TRPM3: variants seen among roughly 807,000 people sequenced by gnomAD.
TRPM3 encodes transient receptor potential cation channel subfamily M member 3.
Under a neutral mutation model 181.2 loss-of-function variants are expected in TRPM3, and 77 were observed. The observed-to-expected ratio is 0.42, with a 90% CI of 0.35 to 0.51. TRPM3 has a LOEUF of 0.51. Ranked by LOEUF, TRPM3 falls within the 20% of genes least tolerant of loss-of-function variation. The pLI, the probability that TRPM3 is intolerant of heterozygous loss-of-function variation, is 0.01. For synonymous variants in TRPM3, 745 were observed against 796.4 expected (o/e 0.94, Z 1.09); for missense variants, 1,759 against 2,196.7 (o/e 0.80, Z 3.98).
At chr9:70,695,860 G>A (rs188666716) in intron 8 of TRPM3, among the ~76,000 whole-genome samples, 26 of 152,270 alleles carry the variant, frequency 1.7e-4, no homozygotes, top group Middle Eastern at 6.8e-3. Flanking sequence ...CCATGCAGGC[G>A]GAAAGGCTGA....
At chr9:71,156,615 C>A (rs1175961299) in intron 1 of TRPM3, among the ~76,000 whole-genome samples, 1 of 151,966 alleles carries the variant, frequency 6.6e-6, no homozygotes, top group Non-Finnish European at 1.5e-5. Flanking sequence ...CCAATACAAT[C>A]CCATATAATT....
chr9:71,150,835 T>C (rs2075696475), intron 1 of TRPM3, among the ~76,000 whole-genome samples: 1 of 152,170 alleles, frequency 6.6e-6, no homozygotes. Flanking sequence ...GAGTGAAGAA[T>C]GGTTTTATTA....
At chr9:70,650,271 G>C (rs1452958754) in intron 9 of TRPM3, among the ~76,000 whole-genome samples, 1 of 152,106 alleles carries the variant, frequency 6.6e-6, no homozygotes, top group Non-Finnish European at 1.5e-5. Context: ...CATGCAATTT[G>C]CCCATGTAAC....
rs569101971 is a variant in TRPM3 at position 71,121,360 on chromosome 9, G to T, written c.-6C>A. On this transcript the variant is annotated 5_prime_UTR_variant, in exon 1 of 26. Coordinates refer to ENST00000677713, the MANE Select transcript of TRPM3 (RefSeq NM_001366145.2). The stretch of plus-strand genomic sequence containing the variant: ...GTCCCCCACGGCTCTGGCATCCCAT[G>T]GTCATCTCCACACCTGCAAATTCCA... 8.1e-6 allele frequency: 13 copies of T among 1,613,130 alleles called. No individual in the cohort carries two copies. The African/African-American group carries it at 1.5e-4, about 18-fold the overall frequency.
intron 1 of TRPM3, among the ~76,000 whole-genome samples, chr9:71,148,041 G>C (rs1450988216): frequency 6.6e-6 from 1 of 151,486 alleles, no homozygotes; most frequent in Non-Finnish European, 1.5e-5. Flanking sequence ...ATCTAGTTTG[G>C]CACTTAATTA....
At position 70,605,065 on chromosome 9, in the gene TRPM3, G is replaced by A. The variant is rs149800576; in HGVS notation, c.2668-1595C>T. Among the ~76,000 whole-genome samples, 407 of 146,486 alleles carry A rather than the reference G, an allele frequency of 2.8e-3. 1 individual carries two copies. The highest frequency in any genetic ancestry group is 0.01 in the African/African-American group (397 of 39,544). ...CTCTTCCTGGGTTCAAGCGATTCTC[G>A]TGCCTCAGCCTCCGGAGTAGCTGGG... is the stretch of plus-strand genomic sequence containing the variant. On this transcript the variant is annotated intron_variant, in intron 19 of 25. Coordinates refer to ENST00000677713, the MANE Select transcript of TRPM3 (RefSeq NM_001366145.2).
chr9:70,556,169 G>A (rs940894173), intron 22 of TRPM3, among the ~76,000 whole-genome samples: 4 of 151,440 alleles, frequency 2.6e-5, no homozygotes, highest in Non-Finnish European at 5.9e-5. Context: ...CCAGGTCTCT[G>A]CTGAGTTCCT....
At position 70,531,911 on chromosome 9, in the gene TRPM3, C is replaced by T. The variant is rs1352635265; in HGVS notation, c.*4042G>A. 1 of 152,010 alleles carries T rather than the reference C, an allele frequency of 6.6e-6. No homozygotes were observed. The highest frequency in any genetic ancestry group is 1.5e-5 in the Non-Finnish European group (1 of 68,012). The allele number at this position is 152,010 out of a possible 1,614,324, so 9.4% of individuals were successfully genotyped here. A position where few individuals can be genotyped will look rare whatever the true frequency, so the allele number is the denominator to read the frequency against. ...CAAGCAGATCAGGAACAAAAATGCCCGGTTCACAAAGATGCTAAATAACAT... is the reference window on the plus strand; with the variant it reads ...CAAGCAGATCAGGAACAAAAATGCCTGGTTCACAAAGATGCTAAATAACAT... On this transcript the variant is annotated 3_prime_UTR_variant, in exon 26 of 26. Transcript: ENST00000677713.
At chr9:70,920,828 A>G (rs1270934061) in intron 1 of TRPM3, among the ~76,000 whole-genome samples, 2 of 152,252 alleles carry the variant, frequency 1.3e-5, no homozygotes, top group African/African-American at 2.4e-5. Flanking sequence ...TTAACTGATC[A>G]TAACTAAACT....
rs2040703766 is a variant in TRPM3 at position 70,530,259 on chromosome 9, G to T, written c.*5694C>A. 1 of 152,222 alleles carries T rather than the reference G, an allele frequency of 6.6e-6. No homozygotes were observed. Among genetic ancestry groups the T allele is most frequent in the South Asian group, 2.1e-4 (1 of 4,824 alleles). The allele number at this position is 152,222 out of a possible 1,614,324, so 9.4% of individuals were successfully genotyped here. On this transcript the variant is annotated 3_prime_UTR_variant, in exon 26 of 26. Transcript: ENST00000677713. ...ATGTGGGCAAGGGTCTGTTGGTCTG[G>T]TGAAAAAGCAGCTAGTCTTAGACTA...
In TRPM3 at chr9:70,841,648, AT is replaced by A. The variant is rs1564540048; in HGVS notation, c.801+1354del. Among the ~76,000 whole-genome samples, 37 of 120,616 alleles carry A rather than the reference AT, an allele frequency of 3.1e-4. 1 individual carries two copies. The highest frequency in any genetic ancestry group is 4.3e-3 in the Middle Eastern group (1 of 230). The allele number at this position is 120,616 out of a possible 152,430, so 79.1% of individuals were successfully genotyped here. On this transcript the variant is annotated intron_variant, in intron 5 of 25. Transcript: ENST00000677713. ...ACTATATATATATATATATATATATATATATATATATATCCCACCATATATA... is the reference window on the plus strand; with the variant it reads ...ACTATATATATATATATATATATATAATATATATATATCCCACCATATATA...
chr9:71,157,494 G>A (rs963362121), intron 1 of TRPM3, among the ~76,000 whole-genome samples: 3 of 151,984 alleles, frequency 2.0e-5, no homozygotes, highest in African/African-American at 7.2e-5. Context: ...GTGCCTCTTC[G>A]ACAGTTAAGA....
rs1275303989 is a variant in TRPM3 at position 71,330,846 on chromosome 9, C to T, written c.183+115807G>A. On this transcript the variant is annotated intron_variant, in intron 1 of 24. Transcript: ENST00000357533. ...TAAAACTCCTAGAGTCAAAAGGGAA[C>T]CACAGTCTTTCCTGGTGGGGTTTCC... 1.2e-4 allele frequency among the ~76,000 whole-genome samples: 18 copies of T among 151,880 alleles called. No individual in the cohort carries two copies. The East Asian group carries it at 2.1e-3, about 18-fold the overall frequency.
chr9:70,936,931 A>C (rs1291856865), intron 1 of TRPM3, among the ~76,000 whole-genome samples: 1 of 152,212 alleles, frequency 6.6e-6, no homozygotes, highest in Non-Finnish European at 1.5e-5. Flanking sequence ...CCATACAAAA[A>C]ACACACAGCT....
intron 1 of TRPM3, among the ~76,000 whole-genome samples, chr9:71,061,717 CA>C (rs2061355773): frequency 6.6e-6 from 1 of 152,062 alleles, no homozygotes; most frequent in South Asian, 2.1e-4. Context: ...AGCAATTAAG[CA>C]CATCCTGTGG....
chr9:70,772,654 G>T (rs946677184), intron 7 of TRPM3, among the ~76,000 whole-genome samples: 1 of 152,204 alleles, frequency 6.6e-6, no homozygotes, highest in Non-Finnish European at 1.5e-5. Flanking sequence ...GGGCAGTGCT[G>T]CTCTGGAGAC....
At chr9:71,310,507 T>C (rs2087820581) in intron 1 of TRPM3, among the ~76,000 whole-genome samples, 1 of 152,092 alleles carries the variant, frequency 6.6e-6, no homozygotes, top group Non-Finnish European at 1.5e-5. Flanking sequence ...CTCTTTTGGC[T>C]GGAAAGTAGT....
chr9:71,358,065 A>C (rs1338251507), intron 1 of TRPM3, among the ~76,000 whole-genome samples: 1 of 152,274 alleles, frequency 6.6e-6, no homozygotes, highest in Non-Finnish European at 1.5e-5. Context: ...ATTTTAAGAG[A>C]ACACAATAAT....
At chr9:71,348,059 T>TA (rs1028509904) in intron 1 of TRPM3, among the ~76,000 whole-genome samples, 24 of 151,970 alleles carry the variant, frequency 1.6e-4, no homozygotes, top group South Asian at 4.1e-4. Context: ...CCTAAAGAAA[T>TA]AAAAAAAATT....
Sources: gnomAD v4.1 joint callset for allele counts (sites outside exome capture counted in the v4.1 genomes callset) on GRCh38, gnomAD v4.1.1 for gene constraint, MANE v1.5 for transcripts, NCBI Gene and HGNC (gene_info 2026-07-23, HGNC 2026-07-21) for gene names.